RNF126: variants seen among roughly 807,000 people sequenced by gnomAD.
RNF126 encodes E3 ubiquitin-protein ligase RNF126.
A neutral mutation model predicts 41.9 loss-of-function variants in RNF126; 20 were observed. The observed-to-expected ratio is 0.48, with a 90% CI of 0.34 to 0.69. The LOEUF (loss-of-function observed/expected upper bound fraction) is 0.69. Among genes scored for constraint, RNF126 ranks in the 30% least tolerant of loss-of-function variants. The pLI is 0.01. For synonymous variants in RNF126, 239 were observed against 202.9 expected (o/e 1.18, Z -1.51); for missense variants, 433 against 460.6 (o/e 0.94, Z 0.55).
intron 1 of RNF126, among the ~76,000 whole-genome samples, chr19:660,983 G>T (rs905088725): frequency 6.6e-6 from 1 of 152,240 alleles, no homozygotes; most frequent in African/African-American, 2.4e-5. Context: ...TTGCTCTTAA[G>T]GAATCTACCA....
chr19:656,423 G>C (rs1197050567), intron 1 of RNF126, among the ~76,000 whole-genome samples: 1 of 152,160 alleles, frequency 6.6e-6, no homozygotes, highest in African/African-American at 2.4e-5. Context: ...GGAGGCCAAA[G>C]TGGGCAGATC....
At chr19:653,730 C>T (rs1166352423) in intron 1 of RNF126, among the ~76,000 whole-genome samples, 14 of 152,158 alleles carry the variant, frequency 9.2e-5, no homozygotes, top group Admixed American at 9.2e-4. Flanking sequence ...ACACTTCCCG[C>T]ACAGCCTGCA....
At chr19:657,805 A>G (rs1379304029) in intron 1 of RNF126, among the ~76,000 whole-genome samples, 1 of 152,180 alleles carries the variant, frequency 6.6e-6, no homozygotes, top group East Asian at 1.9e-4. Context: ...AAGGCAAGTG[A>G]CAGGTGGATC....
At chr19:652,475 A>G in intron 2 of RNF126, 179 bp from the exon 3 acceptor site, 1 of 626,394 alleles carries the variant, frequency 1.6e-6, no homozygotes, top group South Asian at 2.0e-5. Flanking sequence ...CCAGTAAACC[A>G]CGGGTTTCTC....
chr19:651,907 C>T lies in RNF126; in HGVS notation c.199-52G>A, dbSNP rs199754907. 430 of 1,516,688 alleles carry T rather than the reference C, an allele frequency of 2.8e-4. 1 individual carries two copies. Among genetic ancestry groups the T allele is most frequent in the Non-Finnish European group, 3.6e-4 (400 of 1,121,130 alleles). The allele number at this position is 1,516,688 out of a possible 1,614,324, so 94.0% of individuals were successfully genotyped here. On this transcript the variant is annotated intron_variant, in intron 3 of 8. Coordinates refer to ENST00000292363, the MANE Select transcript of RNF126 (RefSeq NM_194460.3). ...CGGGGGCTCAGGCCCGTGCAGTCTGCTGGGGGCGCTAGGGCACAAAGACAA... is the reference window on the plus strand; with the variant it reads ...CGGGGGCTCAGGCCCGTGCAGTCTGTTGGGGGCGCTAGGGCACAAAGACAA...
rs1048351878 is a variant in RNF126 at position 659,293 on chromosome 19, G to A, written c.75+3754C>T. 1.3e-5 allele frequency among the ~76,000 whole-genome samples: 2 copies of A among 152,108 alleles called. No homozygotes were observed. Among genetic ancestry groups the A allele is most frequent in the African/African-American group, 2.4e-5 (1 of 41,420 alleles). ...CGGGGGGCAGCTGGGGAGACTTCCC[G>A]CCTGGCCCCATCAGTGACACTGGCC... On this transcript the variant is annotated intron_variant, in intron 1 of 8. Transcript: ENST00000292363. This position sits in a 1 kb window ranked among gnomAD's most constrained non-coding sequence, Gnocchi z 4.9.
chr19:656,917 C>T (rs1002567372), intron 1 of RNF126, among the ~76,000 whole-genome samples: 3 of 152,182 alleles, frequency 2.0e-5, no homozygotes, highest in African/African-American at 7.2e-5. Context: ...GCCGTCCGCC[C>T]GCCAGCTGAC....
intron 1 of RNF126, among the ~76,000 whole-genome samples, chr19:662,720 G>C (rs2030863061): frequency 6.6e-6 from 1 of 152,096 alleles, no homozygotes; most frequent in Non-Finnish European, 1.5e-5. Flanking sequence ...ACCGGGCTTA[G>C]GGATCCCACC....
chr19:661,905 G>A (rs1274451721), intron 1 of RNF126, among the ~76,000 whole-genome samples: 1 of 152,156 alleles, frequency 6.6e-6, no homozygotes, highest in South Asian at 2.1e-4. Context: ...CGACTGAGCC[G>A]GCTCTGCCAC....
chr19:651,909 G>A (rs2030318812), intron 3 of RNF126, 54 bp from the exon 4 acceptor site: 3 of 1,492,368 alleles, frequency 2.0e-6, no homozygotes, highest in South Asian at 1.2e-5. Context: ...GCAGTCTGCT[G>A]GGGGCGCTAG....
In RNF126 at chr19:652,476, CG is replaced by C. The variant is rs2030357424; in HGVS notation, c.135-181del. 6.4e-6 allele frequency: 4 copies of C among 623,652 alleles called. No individual in the cohort carries two copies. In the South Asian group the frequency reaches 8.2e-5, roughly 13 times the overall value. The allele number at this position is 623,652 out of a possible 1,614,324, so 38.6% of individuals were successfully genotyped here. On this transcript the variant is annotated intron_variant, in intron 2 of 8. Transcript: ENST00000292363. ...TGCTGCTTCCCTCGCCAGTAAACCA[CG>C]GGTTTCTCGATAAACCGGTGCAGAC... is the stretch of plus-strand genomic sequence containing the variant.
At position 647,844 on chromosome 19, in the gene RNF126, T is replaced by TAA; in HGVS notation, c.*282_*283dup. 1.7e-6 allele frequency: 1 copy of TAA among 577,928 alleles called. No individual in the cohort carries two copies. The highest frequency in any genetic ancestry group is 3.2e-6 in the Non-Finnish European group (1 of 317,362). The allele number at this position is 577,928 out of a possible 1,614,324, so 35.8% of individuals were successfully genotyped here. On this transcript the variant is annotated 3_prime_UTR_variant, in exon 9 of 9. Coordinates refer to ENST00000292363, the MANE Select transcript of RNF126 (RefSeq NM_194460.3). The stretch of plus-strand genomic sequence containing the variant: ...ACGTCCGTTTATTTCAAAGCAGTAA[T>TAA]AATTTAAAATTATAAAAATCTTTCC...
intron 2 of RNF126, 111 bp from the exon 3 acceptor site, chr19:652,407 G>A: frequency 5.2e-6 from 5 of 959,168 alleles, no homozygotes; most frequent in Non-Finnish European, 6.2e-6. Context: ...CCTTGGCACT[G>A]CTTCCCACCC....
intron 1 of RNF126, among the ~76,000 whole-genome samples, chr19:655,490 AAAAAG>A (rs891985456): frequency 6.6e-6 from 1 of 151,162 alleles, no homozygotes; most frequent in Non-Finnish European, 1.5e-5. Context: ...CATCTCAAAA[AAAAAG>A]AAAAGTGGGG....
intron 1 of RNF126, among the ~76,000 whole-genome samples, chr19:653,712 G>A (rs1296704849): frequency 6.6e-6 from 1 of 152,166 alleles, no homozygotes; most frequent in Non-Finnish European, 1.5e-5. Context: ...CTGGGCAGAT[G>A]CCGACACACA....
rs556365269 is a variant in RNF126, at chr19:650,111, G to C, written c.506+123C>G. The C allele has an allele frequency of 1.6e-5, 13 of 823,746 alleles. No homozygotes were observed. In the South Asian group the frequency reaches 1.9e-4, roughly 12 times the overall value. The allele number at this position is 823,746 out of a possible 1,614,324, so 51.0% of individuals were successfully genotyped here. Reference sequence around the variant, plus strand: ...TCCTACTCACCAGGGGCCCAGGCTGGGGATGGGGACAGGCACCCCCTCCTA... The same window carrying C: ...TCCTACTCACCAGGGGCCCAGGCTGCGGATGGGGACAGGCACCCCCTCCTA... On this transcript the variant is annotated intron_variant, in intron 5 of 8. Coordinates refer to ENST00000292363, the MANE Select transcript of RNF126 (RefSeq NM_194460.3).
rs2030694088 is a variant in RNF126 at position 659,315 on chromosome 19, G to A, written c.75+3732C>T. Among the ~76,000 whole-genome samples, 1 of 152,184 alleles carries A rather than the reference G, an allele frequency of 6.6e-6. No homozygotes were observed. The highest frequency in any genetic ancestry group is 1.5e-5 in the Non-Finnish European group (1 of 68,018). The stretch of plus-strand genomic sequence containing the variant: ...CCCGCCTGGCCCCATCAGTGACACT[G>A]GCCGTAGCAGCCCTCACTTCCTGGT... On this transcript the variant is annotated intron_variant, in intron 1 of 8. Transcript: ENST00000292363. The surrounding 1 kb of genome is among the most constrained non-coding windows in gnomAD (Gnocchi z 4.9).
At position 650,287 on chromosome 19, in the gene RNF126, C is replaced by T. The variant is rs1308658718; in HGVS notation, c.453G>A (p.Gln151=). The T allele has an allele frequency of 2.5e-6, 4 of 1,579,446 alleles. No individual in the cohort carries two copies. Among genetic ancestry groups the T allele is most frequent in the Admixed American group, 1.9e-5 (1 of 52,540 alleles). ...EGVPTLEGII[Q]QLVNGIITPA... ...GCGTGATGATGCCGTTGACGAGCTG[C>T]TGGATGATCCTGGAAAAGAGAGCGC... is the stretch of plus-strand genomic sequence containing the variant. The change falls in exon 5 of 9, where the codon CAG becomes CAA. Residue 151 remains glutamine, a synonymous_variant. Coordinates refer to ENST00000292363, the MANE Select transcript of RNF126 (RefSeq NM_194460.3).
chr19:648,660 C>T (rs1198321557), intron 7 of RNF126, among the ~76,000 whole-genome samples, 173 bp from the exon 8 acceptor site: 1 of 152,170 alleles, frequency 6.6e-6, no homozygotes, highest in Admixed American at 6.5e-5. Flanking sequence ...CCCTCTCCTC[C>T]CAGCCCACCT....
Sources: allele counts gnomAD v4.1 joint callset (sites outside exome capture counted in the v4.1 genomes callset), GRCh38; gene constraint gnomAD v4.1.1; non-coding constraint Gnocchi (gnomAD v3.1); transcripts MANE v1.5; gene names NCBI Gene and HGNC (gene_info 2026-07-23, HGNC 2026-07-21).